Variants in GALNT15 observed in about 807,000 individuals in gnomAD.
GALNT15 encodes the protein UDP-GalNAc transferase T15.
In GALNT15, 67 loss-of-function variants were observed where a neutral mutation model predicts 66.8. That is an observed-to-expected ratio of 1.00 (90% CI 0.82 to 1.23). GALNT15 has a LOEUF of 1.23. GALNT15 is among the 50% of genes most tolerant of loss of function. The probability of loss-of-function intolerance (pLI) is 0.00; values close to 1 mark genes in which losing one functional copy is unlikely to be tolerated. For synonymous variants in GALNT15, 313 were observed against 311.5 expected (o/e 1.00, Z -0.05); for missense variants, 827 against 804.3 (o/e 1.03, Z -0.34).
At chr3:16,208,438 G>A in intron 3 of GALNT15, 65 bp from the exon 4 acceptor site, 1 of 1,563,884 alleles carries the variant, frequency 6.4e-7, no homozygotes, top group East Asian at 2.2e-5. Flanking sequence ...CCCATGTACA[G>A]ACTGTTTCCA....
Position 16,229,562 on chromosome 3 carries a change from A to G in GALNT15, c.*2062A>G, listed in dbSNP as rs909480579. ...TCTATATTTAAAACAAATTTCCCTA[A>G]ATCCTGAGACTGAGACGGAGCTACA... On this transcript the variant is annotated 3_prime_UTR_variant, in exon 10 of 10. Transcript: ENST00000339732. The G allele has an allele frequency of 1.0e-6, 1 of 985,058 alleles. No homozygotes were observed. The highest frequency in any genetic ancestry group is 1.2e-6 in the Non-Finnish European group (1 of 829,752). 61.0% of individuals were successfully genotyped at this position (985,058 alleles called of 1,614,324 possible). A position where few individuals can be genotyped will look rare whatever the true frequency, so the allele number is the denominator to read the frequency against.
chr3:16,198,210 T>C (rs2063660514), intron 2 of GALNT15, among the ~76,000 whole-genome samples: 1 of 142,436 alleles, frequency 7.0e-6, no homozygotes, highest in African/African-American at 2.6e-5. Flanking sequence ...TCATCTGCTT[T>C]CCACTTCAAC....
intron 3 of GALNT15, among the ~76,000 whole-genome samples, chr3:16,201,754 C>T (rs1409341683): frequency 6.6e-6 from 1 of 152,186 alleles, no homozygotes; most frequent in African/African-American, 2.4e-5. Context: ...TCTCCTTCCC[C>T]CATCTGACCG....
the GALNT15 span, among the ~76,000 whole-genome samples, chr3:16,245,394 A>C: frequency 1.3e-5 from 2 of 152,184 alleles, no homozygotes; most frequent in Non-Finnish European, 2.9e-5. Context: ...CTAGACTAAC[A>C]TGGCTGATGC....
Position 16,211,582 on chromosome 3 carries a change from C to T in GALNT15, c.1197+341C>T, listed in dbSNP as rs2063815175. 6.6e-6 allele frequency among the ~76,000 whole-genome samples: 1 copy of T among 152,146 alleles called. No homozygotes were observed. The highest frequency in any genetic ancestry group is 1.5e-5 in the Non-Finnish European group (1 of 68,028). On this transcript the variant is annotated intron_variant, in intron 5 of 9. Coordinates refer to ENST00000339732, the MANE Select transcript of GALNT15 (RefSeq NM_054110.5). The surrounding 1 kb of genome is among the most constrained non-coding windows in gnomAD (Gnocchi z 4.3). ...GTAATTTTTTCACAGCACCCATAGTCCAAAACAAATACCTGAAGTTCTGTG... is the reference window on the plus strand; with the variant it reads ...GTAATTTTTTCACAGCACCCATAGTTCAAAACAAATACCTGAAGTTCTGTG...
In GALNT15 at chr3:16,211,776, CA is replaced by C. The variant is rs1322968628; in HGVS notation, c.1197+543del. ...ACAGTATCCTCCGAAAACCCAACAC[CA>C]AAAAAAATTCATCATCAAGAGTGCA... On this transcript the variant is annotated intron_variant, in intron 5 of 9. Coordinates refer to ENST00000339732, the MANE Select transcript of GALNT15 (RefSeq NM_054110.5). This position sits in a 1 kb window ranked among gnomAD's most constrained non-coding sequence, Gnocchi z 4.3. Among the ~76,000 whole-genome samples, 1 of 152,008 alleles carries C rather than the reference CA, an allele frequency of 6.6e-6. No individual in the cohort carries two copies. Among genetic ancestry groups the C allele is most frequent in the African/African-American group, 2.4e-5 (1 of 41,432 alleles).
rs1029795044 is a variant in GALNT15, at chr3:16,184,863, G to A, written c.539+9173G>A. On this transcript the variant is annotated intron_variant, in intron 1 of 9. Transcript: ENST00000339732. The surrounding 1 kb of genome is among the most constrained non-coding windows in gnomAD (Gnocchi z 5.0). Reference sequence around the variant, plus strand: ...TCCTACCCTCTGCCCTTAGGGGTGAGGGTGCTGGGTGTTTAATAAACCAAC... The same window carrying A: ...TCCTACCCTCTGCCCTTAGGGGTGAAGGTGCTGGGTGTTTAATAAACCAAC... Among the ~76,000 whole-genome samples the A allele has an allele frequency of 2.6e-5, 4 of 152,182 alleles. No homozygotes were observed. Among genetic ancestry groups the A allele is most frequent in the Non-Finnish European group, 5.9e-5 (4 of 68,024 alleles).
At chr3:16,220,370 C>A in intron 8 of GALNT15, 1 of 272,516 alleles carries the variant, frequency 3.7e-6, no homozygotes, top group South Asian at 5.5e-5. Context: ...GTTCAGTTGT[C>A]CCAGGACTGA....
At chr3:16,240,443 C>G in the GALNT15 span, among the ~76,000 whole-genome samples, 1 of 152,122 alleles carries the variant, frequency 6.6e-6, no homozygotes, top group Non-Finnish European at 1.5e-5. Context: ...CAGACTCAGT[C>G]AGAGTTGAAT....
rs1447189612 is a variant in GALNT15, at chr3:16,211,084, G to A, written c.1080-40G>A. 4.1e-6 allele frequency: 6 copies of A among 1,470,670 alleles called. No individual in the cohort carries two copies. Among genetic ancestry groups the A allele is most frequent in the Non-Finnish European group, 4.8e-6 (5 of 1,050,608 alleles). 91.1% of individuals were successfully genotyped at this position (1,470,670 alleles called of 1,614,324 possible). A position where few individuals can be genotyped will look rare whatever the true frequency, so the allele number is the denominator to read the frequency against. On this transcript the variant is annotated intron_variant, in intron 4 of 9. Transcript: ENST00000339732. This position sits in a 1 kb window ranked among gnomAD's most constrained non-coding sequence, Gnocchi z 4.3. The stretch of plus-strand genomic sequence containing the variant: ...CCCCAGCCTCGCCTGCTGTGCTCTG[G>A]GTTCTGAACTGCAGTGTCCTGCCTG...
chr3:16,218,383 C>T (rs374995056), intron 6 of GALNT15, among the ~76,000 whole-genome samples: 1 of 152,128 alleles, frequency 6.6e-6, no homozygotes, highest in South Asian at 2.1e-4. Context: ...TCATTCCAAC[C>T]CATCCTTGTC....
rs61127995 is a variant in GALNT15, at chr3:16,200,115, AAGAG to A, written c.707-493_707-490del. ...GTCTTACATGGCAGCAAGTGAGAGAAAGAGAGAGAGAGAGGAGGAAAAACTATCA... is the reference window on the plus strand; with the variant it reads ...GTCTTACATGGCAGCAAGTGAGAGAAAGAGAGAGAGGAGGAAAAACTATCA... On this transcript the variant is annotated intron_variant, in intron 2 of 9. Transcript: ENST00000339732. The surrounding 1 kb of genome is among the most constrained non-coding windows in gnomAD (Gnocchi z 4.4). Among the ~76,000 whole-genome samples the A allele has an allele frequency of 1.2e-4, 18 of 151,544 alleles. No individual in the cohort carries two copies. Among genetic ancestry groups the A allele is most frequent in the Admixed American group, 5.3e-4 (8 of 15,222 alleles).
chr3:16,214,795 T>G (rs2063854977), intron 6 of GALNT15, among the ~76,000 whole-genome samples: 1 of 151,832 alleles, frequency 6.6e-6, no homozygotes, highest in Middle Eastern at 3.4e-3. Flanking sequence ...AGAGGAGGAG[T>G]TGGGGGAAGA....
At chr3:16,179,292 T>G (rs563045521) in intron 1 of GALNT15, among the ~76,000 whole-genome samples, 17 of 152,198 alleles carry the variant, frequency 1.1e-4, no homozygotes, top group Non-Finnish European at 2.5e-4. Flanking sequence ...GAGGGACTGG[T>G]GCCAGGTTAT....
chr3:16,192,522 C>A (rs1231758914), intron 1 of GALNT15, among the ~76,000 whole-genome samples: 1 of 152,162 alleles, frequency 6.6e-6, no homozygotes, highest in Non-Finnish European at 1.5e-5. Context: ...TTTTCACAGC[C>A]ACCAGTCCCT....
At chr3:16,178,454 C>A (rs7616700) in intron 1 of GALNT15, among the ~76,000 whole-genome samples, 11 of 152,312 alleles carry the variant, frequency 7.2e-5, no homozygotes, top group African/African-American at 2.4e-4. Context: ...ATTCTCCAAT[C>A]CCCAGCTTGC....
chr3:16,230,250 A>G (rs995175936), downstream of GALNT15, among the ~76,000 whole-genome samples: 4 of 152,216 alleles, frequency 2.6e-5, no homozygotes, highest in South Asian at 2.1e-4. This position sits in a 1 kb window ranked among gnomAD's most constrained non-coding sequence, Gnocchi z 4.5. Flanking sequence ...CACACTCTTC[A>G]TGCTGTATTA....
rs1408775838 is a variant in GALNT15 at position 16,186,656 on chromosome 3, A to G, written c.540-9104A>G. On this transcript the variant is annotated intron_variant, in intron 1 of 9. Coordinates refer to ENST00000339732, the MANE Select transcript of GALNT15 (RefSeq NM_054110.5). The surrounding 1 kb of genome is among the most constrained non-coding windows in gnomAD (Gnocchi z 5.1). The stretch of plus-strand genomic sequence containing the variant: ...CTACAACATGATTAAGCTTGAAAAC[A>G]TTATGATAAGTGAAAGAAATCAGTC... Among the ~76,000 whole-genome samples, 1 of 152,230 alleles carries G rather than the reference A, an allele frequency of 6.6e-6. No homozygotes were observed. Among genetic ancestry groups the G allele is most frequent in the Admixed American group, 6.5e-5 (1 of 15,290 alleles).
Position 16,228,735 on chromosome 3 carries a change from C to G in GALNT15, c.*1235C>G, listed in dbSNP as rs926552657. On this transcript the variant is annotated 3_prime_UTR_variant, in exon 10 of 10. Coordinates refer to ENST00000339732, the MANE Select transcript of GALNT15 (RefSeq NM_054110.5). The stretch of plus-strand genomic sequence containing the variant: ...CAGCAACCTTTCTAAAAAAGCAAAC[C>G]TTTTTCCTGGGAGGAAAATGCCAGA... 1.9e-5 allele frequency: 19 copies of G among 985,214 alleles called. No homozygotes were observed. In the African/African-American group the frequency reaches 3.3e-4, roughly 17 times the overall value. 61.0% of individuals were successfully genotyped at this position (985,214 alleles called of 1,614,324 possible).
Sources: allele counts gnomAD v4.1 joint callset (sites outside exome capture counted in the v4.1 genomes callset), GRCh38; gene constraint gnomAD v4.1.1; non-coding constraint Gnocchi (gnomAD v3.1); transcripts MANE v1.5; gene names NCBI Gene and HGNC (gene_info 2026-07-23, HGNC 2026-07-21).